Variants in ROBO2 observed in about 807,000 individuals in gnomAD.
ROBO2 encodes roundabout guidance receptor 2, also known as roundabout homolog 2.
Under a neutral mutation model 160.8 loss-of-function variants are expected in ROBO2, and 53 were observed. That is an observed-to-expected ratio of 0.33 (90% confidence interval 0.26 to 0.41). ROBO2 has a LOEUF of 0.41. Ranked by LOEUF, ROBO2 falls within the 10% of genes least tolerant of loss-of-function variation. The pLI is 1.00. For synonymous variants in ROBO2, 664 were observed against 611.7 expected (o/e 1.09, Z -1.26); for missense variants, 1,577 against 1,722.4 (o/e 0.92, Z 1.49).
chr3:76,301,113 G>A (rs1488557702), intron 2 of ROBO2, among the ~76,000 whole-genome samples: 1 of 152,020 alleles, frequency 6.6e-6, no homozygotes, highest in Admixed American at 6.6e-5. Context: ...TGTTAAGATT[G>A]ACCTTAACAA....
At chr3:76,511,987 G>A (rs1465852714) in intron 2 of ROBO2, among the ~76,000 whole-genome samples, 2 of 152,112 alleles carry the variant, frequency 1.3e-5, no homozygotes, top group African/African-American at 4.8e-5. Flanking sequence ...TGCCTGAAAA[G>A]TGCCTATAGA....
chr3:76,840,138 TTTTG>T (rs1352043364), intron 2 of ROBO2, among the ~76,000 whole-genome samples: 1 of 152,112 alleles, frequency 6.6e-6, no homozygotes, highest in Non-Finnish European at 1.5e-5. Flanking sequence ...AAACCCAACT[TTTTG>T]TTTCATTTAT....
chr3:76,754,415 A>G (rs2060850998), intron 2 of ROBO2, among the ~76,000 whole-genome samples: 1 of 151,874 alleles, frequency 6.6e-6, no homozygotes, highest in African/African-American at 2.4e-5. Context: ...GAGGGGCAGC[A>G]TAACCCCTTC....
Position 76,277,755 on chromosome 3 carries a change from G to A in ROBO2, c.109+340153G>A, listed in dbSNP as rs140007713. Among the ~76,000 whole-genome samples the A allele has an allele frequency of 3.7e-3, 559 of 151,862 alleles. 6 individuals carry two copies. The highest frequency in any genetic ancestry group is 0.024 in the Admixed American group (371 of 15,192). ...CAAATAATGAATGCCTGAGTAAAGCGATTTGATTCTTAAAGATGGTTTTTA... is the reference window on the plus strand; with the variant it reads ...CAAATAATGAATGCCTGAGTAAAGCAATTTGATTCTTAAAGATGGTTTTTA... On this transcript the variant is annotated intron_variant, in intron 2 of 26. Coordinates refer to the ROBO2 transcript ENST00000487694.
intron 2 of ROBO2, among the ~76,000 whole-genome samples, chr3:77,307,577 G>A (rs1432078315): frequency 6.6e-6 from 1 of 152,062 alleles, no homozygotes; most frequent in Non-Finnish European, 1.5e-5. Flanking sequence ...TACTTATCAG[G>A]CTTTTTGAAA....
chr3:76,233,075 A>G (rs1243999317), intron 2 of ROBO2, among the ~76,000 whole-genome samples: 1 of 152,026 alleles, frequency 6.6e-6, no homozygotes, highest in Non-Finnish European at 1.5e-5. Context: ...TATTGAATTC[A>G]TTCATTCTTT....
intron 2 of ROBO2, among the ~76,000 whole-genome samples, chr3:76,477,045 G>C (rs2078968200): frequency 6.6e-6 from 1 of 152,144 alleles, no homozygotes; most frequent in African/African-American, 2.4e-5. Context: ...TAGTCAAACT[G>C]TGTAGCCTCA....
intron 2 of ROBO2, among the ~76,000 whole-genome samples, chr3:76,622,218 G>GAAAGAAAGAAAGAAA (rs1326164684): frequency 2.2e-5 from 1 of 46,252 alleles, no homozygotes; most frequent in African/African-American, 1.0e-4. Context: ...AAGGAAGGAA[G>GAAAGAAAGAAAGAAA]GAAGGAAGGA....
chr3:76,095,103 G>A (rs1254768000), intron 2 of ROBO2, among the ~76,000 whole-genome samples: 1 of 152,106 alleles, frequency 6.6e-6, no homozygotes, highest in Non-Finnish European at 1.5e-5. Context: ...TTTTAATTTT[G>A]GGCTGAGTAT....
At chr3:76,353,152 T>C (rs1400437507) in intron 2 of ROBO2, among the ~76,000 whole-genome samples, 1 of 151,986 alleles carries the variant, frequency 6.6e-6, no homozygotes. Flanking sequence ...GATGAAATAC[T>C]GCTTTGGATC....
chr3:77,412,454 C>A (rs4308254), intron 2 of ROBO2, among the ~76,000 whole-genome samples: 1 of 152,124 alleles, frequency 6.6e-6, no homozygotes, highest in Non-Finnish European at 1.5e-5. Context: ...GACTCTAGAG[C>A]CCCTCTGTCC....
intron 2 of ROBO2, among the ~76,000 whole-genome samples, chr3:76,071,413 A>G (rs917131208): frequency 1.3e-5 from 2 of 152,206 alleles, no homozygotes; most frequent in African/African-American, 4.8e-5. Flanking sequence ...ATCAGTAACT[A>G]TCTAATTTAT....
At chr3:77,281,453 A>T (rs1185078225) in intron 2 of ROBO2, among the ~76,000 whole-genome samples, 1 of 152,098 alleles carries the variant, frequency 6.6e-6, no homozygotes, top group East Asian at 1.9e-4. Flanking sequence ...CTCTATATGA[A>T]GACTTCACTT....
In ROBO2 at chr3:76,242,768, C is replaced by T. The variant is rs147545023; in HGVS notation, c.109+305166C>T. ...GACATGGTGGTGCATGCCTGTGGTC[C>T]CAGCTAGCTGGGAGGCTAAGGTGGG... On this transcript the variant is annotated intron_variant, in intron 2 of 26. Coordinates refer to the ROBO2 transcript ENST00000487694. 3.6e-3 allele frequency among the ~76,000 whole-genome samples: 549 copies of T among 152,066 alleles called. 3 individuals are homozygous for T. The highest frequency in any genetic ancestry group is 0.013 in the African/African-American group (528 of 41,490).
chr3:76,220,538 G>A (rs1368450617), intron 2 of ROBO2, among the ~76,000 whole-genome samples: 1 of 152,044 alleles, frequency 6.6e-6, no homozygotes, highest in Non-Finnish European at 1.5e-5. Context: ...GCTTGCAAAT[G>A]CCTTGGGAGC....
At chr3:76,397,082 G>A (rs575504875) in intron 2 of ROBO2, among the ~76,000 whole-genome samples, 21 of 152,072 alleles carry the variant, frequency 1.4e-4, no homozygotes, top group Non-Finnish European at 2.8e-4. Context: ...TATACTACAC[G>A]GCTACAGTAA....
chr3:77,210,453 A>G (rs2083986582), intron 2 of ROBO2, among the ~76,000 whole-genome samples: 1 of 152,184 alleles, frequency 6.6e-6, no homozygotes, highest in South Asian at 2.1e-4. Context: ...ACAATACAAT[A>G]TACCCTACAG....
intron 2 of ROBO2, among the ~76,000 whole-genome samples, chr3:76,558,640 T>C (rs2108463129): frequency 6.6e-6 from 1 of 152,240 alleles, no homozygotes. Flanking sequence ...TTAGATGTTG[T>C]ACAGAATGGG....
rs1472702159 is a variant in ROBO2 at position 77,608,034 on chromosome 3, T to A, written c.3293+80T>A. The A allele has an allele frequency of 2.1e-6, 3 of 1,405,956 alleles. No homozygotes were observed. The African/African-American group carries it at 4.2e-5, about 20-fold the overall frequency. The allele number at this position is 1,405,956 out of a possible 1,614,324, so 87.1% of individuals were successfully genotyped here. The stretch of plus-strand genomic sequence containing the variant: ...TGTTCATTTTTGCCATCATCTTATG[T>A]TCTCTCACTGTTTCCTTTGCCCCCC... On this transcript the variant is annotated intron_variant, in intron 21 of 25. Coordinates refer to ENST00000461745, the Ensembl canonical transcript of ROBO2.
Sources: gnomAD v4.1 joint callset for allele counts (sites outside exome capture counted in the v4.1 genomes callset) on GRCh38, gnomAD v4.1.1 for gene constraint, MANE v1.5 for transcripts, NCBI Gene and HGNC (gene_info 2026-07-23, HGNC 2026-07-21) for gene names.